Variants in CNOT4 observed in about 807,000 individuals in gnomAD.
The protein encoded by CNOT4 is CCR4-associated factor 4.
In CNOT4, 8 loss-of-function variants were observed where a neutral mutation model predicts 73.8. The observed-to-expected ratio is 0.11, with a 90% CI of 0.06 to 0.20. The LOEUF is 0.20. Among genes scored for constraint, CNOT4 ranks in the 10% least tolerant of loss-of-function variants. The pLI is 1.00. For missense variants in CNOT4, 564 were observed against 883.4 expected, an observed-to-expected ratio of 0.64 and a Z score of 4.58; for synonymous variants, 293 against 321.1, an observed-to-expected ratio of 0.91 and a Z score of 0.94.
intron 1 of CNOT4, among the ~76,000 whole-genome samples, chr7:135,471,217 C>T (rs545887679): frequency 6.6e-6 from 1 of 151,966 alleles, no homozygotes; most frequent in East Asian, 1.9e-4. Context: ...CATAGTAAAC[C>T]TTCAGTGAGA....
chr7:135,380,551 T>C (rs1274345234), intron 10 of CNOT4, among the ~76,000 whole-genome samples: 2 of 152,346 alleles, frequency 1.3e-5, no homozygotes, highest in Admixed American at 6.5e-5. Context: ...AGCTGCCAGC[T>C]GGTGGTCATT....
chr7:135,397,209 G>A (rs1796742013), intron 8 of CNOT4, among the ~76,000 whole-genome samples: 1 of 151,938 alleles, frequency 6.6e-6, no homozygotes, highest in Non-Finnish European at 1.5e-5. Flanking sequence ...AAAAAATAAT[G>A]TAAAACTTCT....
chr7:135,398,731 G>A (rs1796840358), intron 7 of CNOT4, among the ~76,000 whole-genome samples: 1 of 151,996 alleles, frequency 6.6e-6, no homozygotes, highest in African/African-American at 2.4e-5. Flanking sequence ...AAAAGGCACT[G>A]CTTACAATTA....
intron 1 of CNOT4, among the ~76,000 whole-genome samples, chr7:135,481,212 G>A (rs1802360067): frequency 1.3e-5 from 2 of 151,764 alleles, no homozygotes; most frequent in Non-Finnish European, 2.9e-5. Context: ...CTAATATCCA[G>A]AATATACAAG....
At position 135,367,597 on chromosome 7, in the gene CNOT4, G is replaced by A. The variant is rs115574279; in HGVS notation, c.1628-3531C>T. ...AAATGCTCCACTGGTGGTCAATACC[G>A]AACGGATAGTAAATTTTCCAAAAAG... is the stretch of plus-strand genomic sequence containing the variant. On this transcript the variant is annotated intron_variant, in intron 10 of 11. Coordinates refer to ENST00000541284, the MANE Select transcript of CNOT4 (RefSeq NM_001190850.2). Among the ~76,000 whole-genome samples the A allele has an allele frequency of 8.7e-3, 1,327 of 152,116 alleles. 23 individuals carry two copies. The highest frequency in any genetic ancestry group is 0.03 in the African/African-American group (1,264 of 41,510).
At chr7:135,479,843 T>C (rs1317772956) in intron 1 of CNOT4, among the ~76,000 whole-genome samples, 7 of 152,028 alleles carry the variant, frequency 4.6e-5, no homozygotes, top group African/African-American at 1.5e-4. Context: ...TAAGCCAAGA[T>C]CGCACCACTG....
At chr7:135,466,388 C>T (rs1801221357) in intron 1 of CNOT4, among the ~76,000 whole-genome samples, 1 of 150,720 alleles carries the variant, frequency 6.6e-6, no homozygotes, top group African/African-American at 2.4e-5. Context: ...GTATGAGAAT[C>T]GCCTGAACCC....
intron 10 of CNOT4, among the ~76,000 whole-genome samples, chr7:135,377,144 C>G (rs1795565749): frequency 6.6e-6 from 1 of 152,104 alleles, no homozygotes; most frequent in African/African-American, 2.4e-5. Flanking sequence ...TACTCTGAAA[C>G]TCAATGATTT....
intron 1 of CNOT4, among the ~76,000 whole-genome samples, chr7:135,474,969 C>T (rs914164554): frequency 3.3e-5 from 5 of 151,908 alleles, no homozygotes; most frequent in South Asian, 2.1e-4. Flanking sequence ...AAGAAATGTG[C>T]GCTGTTTCAA....
At chr7:135,496,501 C>G (rs1191041809) in intron 1 of CNOT4, among the ~76,000 whole-genome samples, 1 of 152,174 alleles carries the variant, frequency 6.6e-6, no homozygotes, top group Non-Finnish European at 1.5e-5. Flanking sequence ...CCTCACACCA[C>G]CAAGCCAAAG....
At chr7:135,473,566 G>A (rs1245194127) in intron 1 of CNOT4, among the ~76,000 whole-genome samples, 2 of 152,114 alleles carry the variant, frequency 1.3e-5, no homozygotes, top group Non-Finnish European at 2.9e-5. Flanking sequence ...GGGCAACATG[G>A]CATAATCCTG....
At chr7:135,408,804 G>T (rs1019015795) in intron 7 of CNOT4, among the ~76,000 whole-genome samples, 1 of 152,110 alleles carries the variant, frequency 6.6e-6, no homozygotes, top group Non-Finnish European at 1.5e-5. Flanking sequence ...ACTGGGAATC[G>T]ATTTTTTTCT....
chr7:135,444,990 T>C, intron 1 of CNOT4: 3 of 878,166 alleles, frequency 3.4e-6, no homozygotes, highest in Non-Finnish European at 5.8e-6. Flanking sequence ...CTGCTTGTCA[T>C]GCCATTAAGC....
At chr7:135,449,083 A>T (rs73158943) in intron 1 of CNOT4, among the ~76,000 whole-genome samples, 4,791 of 152,310 alleles carry the variant, frequency 0.031, 108 homozygotes, top group Middle Eastern at 0.068. Flanking sequence ...ACTACAGGTA[A>T]CACAGATGAA....
intron 1 of CNOT4, among the ~76,000 whole-genome samples, chr7:135,447,797 A>G (rs976863927): frequency 6.6e-6 from 1 of 152,236 alleles, no homozygotes; most frequent in Non-Finnish European, 1.5e-5. Flanking sequence ...GAACCAGGGA[A>G]TAAGACAGCT....
At chr7:135,372,487 G>A (rs371733824) in intron 10 of CNOT4, among the ~76,000 whole-genome samples, 3 of 151,588 alleles carry the variant, frequency 2.0e-5, no homozygotes, top group Admixed American at 6.6e-5. Flanking sequence ...AGTAGACAAT[G>A]CCTGAACCTG....
intron 1 of CNOT4, among the ~76,000 whole-genome samples, chr7:135,443,622 T>C (rs1053788895): frequency 7.2e-5 from 11 of 152,202 alleles, no homozygotes; most frequent in African/African-American, 2.7e-4. Flanking sequence ...TTAAACTCTA[T>C]GGCAAATTTT....
At chr7:135,424,814 C>CAAAA (rs891671321) in intron 2 of CNOT4, among the ~76,000 whole-genome samples, 1 of 150,714 alleles carries the variant, frequency 6.6e-6, no homozygotes, top group African/African-American at 2.4e-5. Flanking sequence ...AACAAACAAA[C>CAAAA]AAAAAAAAAC....
chr7:135,405,886 G>A (rs1384460271), intron 7 of CNOT4, among the ~76,000 whole-genome samples: 2 of 152,116 alleles, frequency 1.3e-5, no homozygotes, highest in Non-Finnish European at 2.9e-5. Flanking sequence ...TAAGGTTCCA[G>A]GCTTTGCTTT....
Sources: allele counts gnomAD v4.1 joint callset (sites outside exome capture counted in the v4.1 genomes callset), GRCh38; gene constraint gnomAD v4.1.1; transcripts MANE v1.5; gene names NCBI Gene and HGNC (gene_info 2026-07-23, HGNC 2026-07-21).